The following EIF2AK3 variants were observed in gnomAD, a reference collection of about 807,000 sequenced individuals.
The protein encoded by EIF2AK3 is eukaryotic translation initiation factor 2-alpha kinase 3.
Under a neutral mutation model 113.5 loss-of-function variants are expected in EIF2AK3, and 50 were observed. That is an observed-to-expected ratio of 0.44 (90% CI 0.35 to 0.56). The LOEUF (loss-of-function observed/expected upper bound fraction) is 0.56, where lower values mean the gene tolerates loss of function less well. Among genes scored for constraint, EIF2AK3 ranks in the 20% least tolerant of loss-of-function variants. The probability of loss-of-function intolerance (pLI) is 0.00; values close to 1 mark genes in which losing one functional copy is unlikely to be tolerated. For synonymous variants in EIF2AK3, 448 were observed against 495.4 expected (o/e 0.90, Z 1.27); for missense variants, 1,185 against 1,378.0 (o/e 0.86, Z 2.22).
At position 88,590,857 on chromosome 2, in the gene EIF2AK3, T is replaced by C; in HGVS notation, c.963A>G (p.Ala321=). Residue 321 remains alanine (A), a synonymous_variant, in exon 5 of 17, where the codon GCA becomes GCG. Transcript: ENST00000303236. ...CCAGATGTCCTCCCTTCTTACTGAA[T>C]GCCATAACTTTCCAGTCAGCAACCG... is the stretch of plus-strand genomic sequence containing the variant. ...KVSVADWKVM[A]FSKKGGHLEW... is the part of the protein sequence containing the mutation. 1 of 1,614,124 alleles carries C rather than the reference T, an allele frequency of 6.2e-7. No homozygotes were observed. Among genetic ancestry groups the C allele is most frequent in the Non-Finnish European group, 8.5e-7 (1 of 1,179,984 alleles).
chr2:88,606,298 C>A (rs1675273131), intron 2 of EIF2AK3, among the ~76,000 whole-genome samples: 1 of 140,044 alleles, frequency 7.1e-6, no homozygotes, highest in African/African-American at 3.2e-5. Flanking sequence ...GAGTCAATTT[C>A]CTAAAAAAAT....
intron 15 of EIF2AK3, among the ~76,000 whole-genome samples, chr2:88,560,264 A>G (rs1673913701): frequency 1.3e-5 from 2 of 152,058 alleles, no homozygotes; most frequent in Non-Finnish European, 2.9e-5. Context: ...TCCTCTTTGG[A>G]GAAAGTTCTA....
chr2:88,579,880 A>G (rs1328565314), intron 10 of EIF2AK3: 2 of 419,992 alleles, frequency 4.8e-6, no homozygotes, highest in East Asian at 1.0e-4. Flanking sequence ...TTAATTGGGA[A>G]TCACTTGTTA....
chr2:88,614,312 T>C (rs1034045545), intron 1 of EIF2AK3, among the ~76,000 whole-genome samples: 3 of 152,182 alleles, frequency 2.0e-5, no homozygotes, highest in Non-Finnish European at 4.4e-5. Flanking sequence ...GGACTCCATG[T>C]ATCTCATTGC....
intron 2 of EIF2AK3, among the ~76,000 whole-genome samples, chr2:88,601,834 CTTTT>C (rs59987968): frequency 1.3e-5 from 1 of 74,858 alleles, no homozygotes; most frequent in Non-Finnish European, 2.5e-5. Flanking sequence ...TAAGATTTTT[CTTTT>C]TTTTTTTTTT....
At chr2:88,616,148 C>T (rs1323265273) in intron 1 of EIF2AK3, among the ~76,000 whole-genome samples, 2 of 152,030 alleles carry the variant, frequency 1.3e-5, no homozygotes, top group Non-Finnish European at 2.9e-5. Flanking sequence ...CTCATCCAGT[C>T]TCATAGCTTT....
intron 2 of EIF2AK3, 114 bp from the exon 3 acceptor site, chr2:88,595,777 G>A: frequency 9.3e-7 from 1 of 1,075,920 alleles, no homozygotes; most frequent in Non-Finnish European, 1.4e-6. Context: ...GTAATTAAGA[G>A]CTGGAGTCTT....
intron 1 of EIF2AK3, among the ~76,000 whole-genome samples, chr2:88,617,238 G>C (rs1675608749): frequency 6.6e-6 from 1 of 152,168 alleles, no homozygotes. Context: ...CACGGAATCA[G>C]TCTAGTGCCC....
At chr2:88,624,941 C>T (rs1242906482) in intron 1 of EIF2AK3, 2 of 152,260 alleles carry the variant, frequency 1.3e-5, no homozygotes, top group East Asian at 1.9e-4. Context: ...CTATAACACT[C>T]TCCTTTTGGT....
At chr2:88,561,263 C>CT (rs755832317) in intron 15 of EIF2AK3, among the ~76,000 whole-genome samples, 179 of 136,992 alleles carry the variant, frequency 1.3e-3, no homozygotes, top group South Asian at 1.7e-3. Context: ...CAGAGGGCTA[C>CT]TTTTTTTTTT....
chr2:88,594,165 T>G (rs1046599034), intron 3 of EIF2AK3: 4 of 152,574 alleles, frequency 2.6e-5, no homozygotes, highest in Admixed American at 2.0e-4. Context: ...TTGTTAAAGT[T>G]GAAAAATGCA....
chr2:88,600,397 A>AT (rs1445894813), intron 2 of EIF2AK3, among the ~76,000 whole-genome samples: 12 of 152,280 alleles, frequency 7.9e-5, no homozygotes, highest in Admixed American at 4.6e-4. Context: ...ACGGTGATGC[A>AT]TTTTCACATC....
chr2:88,576,428 A>G, intron 12 of EIF2AK3, 126 bp downstream of exon 12: 7 of 1,400,338 alleles, frequency 5.0e-6, no homozygotes, highest in Non-Finnish European at 6.7e-6. Flanking sequence ...ACTTTTCAAA[A>G]CATGAAACAA....
chr2:88,571,023 T>C lies in EIF2AK3; in HGVS notation c.2836A>G (p.Thr946Ala). Residue 946 changes from threonine to alanine, a missense_variant, in exon 14 of 17, where the codon ACA becomes GCA. By Grantham distance (58) the Thr-to-Ala change is moderately conservative. Coordinates refer to ENST00000303236, the MANE Select transcript of EIF2AK3 (RefSeq NM_004836.7). ...RDLKPSNIFF[T>A]MDDVVKVGDF... ...CCAACCTTGACCACATCATCCATTG[T>C]AAAGAATATGTTGGATGGCTGGAAA... The C allele has an allele frequency of 6.2e-7, 1 of 1,614,124 alleles. No individual in the cohort carries two copies. The highest frequency in any genetic ancestry group is 1.1e-5 in the South Asian group (1 of 91,076).
At chr2:88,622,357 C>CA (rs1675746561) in intron 1 of EIF2AK3, among the ~76,000 whole-genome samples, 1 of 152,052 alleles carries the variant, frequency 6.6e-6, no homozygotes, top group South Asian at 2.1e-4. Flanking sequence ...TCCCCTCTTA[C>CA]AAAAAAGGAG....
chr2:88,615,374 AT>A (rs1296747221), intron 1 of EIF2AK3, among the ~76,000 whole-genome samples: 1 of 152,246 alleles, frequency 6.6e-6, no homozygotes, highest in Non-Finnish European at 1.5e-5. Flanking sequence ...CCACCAAAAA[AT>A]TCATAAGTTG....
At chr2:88,606,790 A>G (rs181480944) in intron 2 of EIF2AK3, among the ~76,000 whole-genome samples, 1 of 152,254 alleles carries the variant, frequency 6.6e-6, no homozygotes, top group Non-Finnish European at 1.5e-5. Flanking sequence ...ATGTAGTCTG[A>G]TATGGGGAGG....
rs1271254368 is a variant in EIF2AK3, at chr2:88,562,374, T to C, written c.3002A>G (p.Tyr1001Cys). The change falls in exon 15 of 17, where the codon TAT (tyrosine) becomes TGT (cysteine). Residue 1001 changes from tyrosine to cysteine, a missense_variant. Physicochemically the swap from Tyr to Cys is radical, Grantham distance 194 (BLOSUM62 -2). Around this residue, in one of 3 missense-constraint regions of EIF2AK3, gnomAD observed 877 missense variants for 1,024.2 expected, o/e 0.86. Coordinates refer to ENST00000303236, the MANE Select transcript of EIF2AK3 (RefSeq NM_004836.7). ...AGAAAAGATGTCCACTTTATGAGAA[T>C]AGCTGTTTCCATGAATCTGAAATCC... ...MSPEQIHGNS[Y>C]SHKVDIFSLG... 5 of 1,613,868 alleles carry C rather than the reference T, an allele frequency of 3.1e-6. No homozygotes were observed. Among genetic ancestry groups the C allele is most frequent in the African/African-American group, 1.3e-5 (1 of 75,036 alleles).
intron 10 of EIF2AK3, among the ~76,000 whole-genome samples, chr2:88,582,991 C>A (rs981405548): frequency 2.0e-5 from 3 of 152,126 alleles, no homozygotes; most frequent in African/African-American, 7.2e-5. Flanking sequence ...TAATCCATCT[C>A]CCCCTTCTGC....
Sources: allele counts gnomAD v4.1 joint callset (sites outside exome capture counted in the v4.1 genomes callset), GRCh38; gene constraint gnomAD v4.1.1; regional missense constraint gnomAD v4.1.1; transcripts MANE v1.5; gene names NCBI Gene and HGNC (gene_info 2026-07-23, HGNC 2026-07-21).